Variants in SYT9 observed in about 807,000 individuals in gnomAD.
SYT9 encodes synaptotagmin 9.
Under a neutral mutation model 48.4 loss-of-function variants are expected in SYT9, and 22 were observed. That is an observed-to-expected ratio of 0.45 (90% CI 0.32 to 0.65). The LOEUF is 0.65. SYT9 is among the 30% of genes least tolerant of loss of function. SYT9 has a pLI of 0.03. For missense variants in SYT9, 577 were observed against 622.0 expected (o/e 0.93, Z 0.77); for synonymous variants, 265 against 245.0 (o/e 1.08, Z -0.76).
At chr11:7,246,627 T>G (rs1399475360) in intron 1 of SYT9, among the ~76,000 whole-genome samples, 1 of 152,222 alleles carries the variant, frequency 6.6e-6, no homozygotes, top group Non-Finnish European at 1.5e-5. Context: ...TTCTATCATT[T>G]ACCAGTTTTT....
At chr11:7,415,994 C>T (rs75071341) in intron 3 of SYT9, 48 bp from the exon 4 acceptor site, 13 of 1,612,418 alleles carry the variant, frequency 8.1e-6, no homozygotes, top group Non-Finnish European at 1.1e-5. Context: ...CTCTTGCACA[C>T]CAGGCTGGAG....
At chr11:7,454,113 T>C in intron 6 of SYT9, 1 of 985,440 alleles carries the variant, frequency 1.0e-6, no homozygotes, top group Non-Finnish European at 1.2e-6. Context: ...CCAGTCACTT[T>C]TCTTTCCTTT....
intron 1 of SYT9, among the ~76,000 whole-genome samples, chr11:7,286,214 C>G (rs1416264078): frequency 6.6e-6 from 1 of 152,256 alleles, no homozygotes; most frequent in Non-Finnish European, 1.5e-5. Context: ...CCTGGACATG[C>G]AGACATTTCC....
intron 3 of SYT9, among the ~76,000 whole-genome samples, chr11:7,349,448 A>C (rs1849868692): frequency 6.6e-6 from 1 of 152,052 alleles, no homozygotes; most frequent in African/African-American, 2.4e-5. Flanking sequence ...AGACTTGGAG[A>C]CAACAGAGAA....
intron 3 of SYT9, among the ~76,000 whole-genome samples, chr11:7,376,449 T>C (rs1199512538): frequency 6.7e-6 from 1 of 149,656 alleles, no homozygotes; most frequent in East Asian, 2.1e-4. Flanking sequence ...CAAAGCTGCC[T>C]TAGCTTGTAT....
At chr11:7,431,334 G>C (rs1847566369) in intron 6 of SYT9, among the ~76,000 whole-genome samples, 1 of 152,248 alleles carries the variant, frequency 6.6e-6, no homozygotes, top group African/African-American at 2.4e-5. Flanking sequence ...AAGCATTCCA[G>C]ATGTGGCCTG....
At chr11:7,334,488 A>G (rs982179561) in intron 3 of SYT9, among the ~76,000 whole-genome samples, 2 of 152,192 alleles carry the variant, frequency 1.3e-5, no homozygotes, top group Non-Finnish European at 2.9e-5. Context: ...TATGTAATTA[A>G]CTGCATATGT....
intron 6 of SYT9, among the ~76,000 whole-genome samples, chr11:7,463,561 T>C (rs1208433044): frequency 6.6e-6 from 1 of 152,190 alleles, no homozygotes; most frequent in East Asian, 1.9e-4. Flanking sequence ...AACTGACTTG[T>C]ATGCTTGACT....
chr11:7,437,339 C>G (rs534165517), intron 6 of SYT9, among the ~76,000 whole-genome samples: 1 of 152,326 alleles, frequency 6.6e-6, no homozygotes, highest in South Asian at 2.1e-4. Flanking sequence ...ATATACATTT[C>G]AGTCATGACA....
intron 6 of SYT9, among the ~76,000 whole-genome samples, chr11:7,448,128 G>A (rs7111363): frequency 0.15 from 22,599 of 152,248 alleles, 2,173 homozygotes; most frequent in African/African-American, 0.25. Flanking sequence ...GGAGAGAATA[G>A]CCATGGGGCT....
At chr11:7,356,673 G>A (rs1850028551) in intron 3 of SYT9, among the ~76,000 whole-genome samples, 1 of 152,176 alleles carries the variant, frequency 6.6e-6, no homozygotes, top group African/African-American at 2.4e-5. Flanking sequence ...GGAGACAACT[G>A]TCACATTTTA....
chr11:7,268,601 C>T (rs1194118786), intron 1 of SYT9, among the ~76,000 whole-genome samples: 2 of 151,942 alleles, frequency 1.3e-5, no homozygotes, highest in Non-Finnish European at 2.9e-5. Context: ...CCTAGTATTA[C>T]AGTAATAGGT....
intron 3 of SYT9, among the ~76,000 whole-genome samples, chr11:7,386,748 T>C (rs188968351): frequency 0.021 from 3,169 of 152,224 alleles, 49 homozygotes; most frequent in Non-Finnish European, 0.035. Flanking sequence ...GGCGATTCCT[T>C]AGGGATCTTG....
At chr11:7,263,263 A>G (rs1352529778) in intron 1 of SYT9, among the ~76,000 whole-genome samples, 3 of 152,074 alleles carry the variant, frequency 2.0e-5, no homozygotes, top group Admixed American at 1.3e-4. Flanking sequence ...GAGCTGGCAG[A>G]TGCTGTGTCA....
chr11:7,429,240 G>A (rs1847521387), intron 6 of SYT9, among the ~76,000 whole-genome samples: 1 of 152,212 alleles, frequency 6.6e-6, no homozygotes, highest in African/African-American at 2.4e-5. Flanking sequence ...GGCTAAACCT[G>A]TCAAGCTAAC....
chr11:7,396,615 G>A (rs1034757076), intron 3 of SYT9, among the ~76,000 whole-genome samples: 1 of 152,012 alleles, frequency 6.6e-6, no homozygotes, highest in African/African-American at 2.4e-5. Flanking sequence ...AACTAAGTGT[G>A]GGATTACTGG....
upstream of SYT9, chr11:7,251,841 A>C (rs1186325935): frequency 4.9e-6 from 1 of 202,196 alleles, no homozygotes; most frequent in Non-Finnish European, 9.9e-6. Flanking sequence ...TGCGGCGCGC[A>C]CTCCTGACCT....
chr11:7,348,104 A>C (rs547860533), intron 3 of SYT9, among the ~76,000 whole-genome samples: 1 of 152,366 alleles, frequency 6.6e-6, no homozygotes, highest in Non-Finnish European at 1.5e-5. Context: ...CTTTCTGCAC[A>C]GAGGGAGTCC....
chr11:7,285,181 T>C (rs376885098), intron 1 of SYT9, among the ~76,000 whole-genome samples: 72 of 152,284 alleles, frequency 4.7e-4, no homozygotes, highest in African/African-American at 1.7e-3. Flanking sequence ...ATTAGTCTGT[T>C]CTCATGCTGC....
Sources: allele counts gnomAD v4.1 joint callset (sites outside exome capture counted in the v4.1 genomes callset), GRCh38; gene constraint gnomAD v4.1.1; transcripts MANE v1.5; gene names NCBI Gene and HGNC (gene_info 2026-07-23, HGNC 2026-07-21).